Variants in KLHL1 observed in about 807,000 individuals in gnomAD.
KLHL1 encodes the protein kelch-like protein 1.
In KLHL1, 47 loss-of-function variants were observed where a neutral mutation model predicts 77.7. That is an observed-to-expected ratio of 0.60 (90% CI 0.48 to 0.77). KLHL1 has a LOEUF of 0.77. Ranked by LOEUF, KLHL1 falls within the 30% of genes least tolerant of loss-of-function variation. KLHL1 has a pLI of 0.00. For synonymous variants in KLHL1, 360 were observed against 325.2 expected (o/e 1.11, Z -1.15); for missense variants, 925 against 910.8 (o/e 1.02, Z -0.20).
chr13:69,901,988 C>G (rs1186191115), intron 4 of KLHL1, among the ~76,000 whole-genome samples: 3 of 152,010 alleles, frequency 2.0e-5, no homozygotes, highest in Admixed American at 6.6e-5. Flanking sequence ...TTAGCAGAGA[C>G]AGGGTTTCTC....
intron 1 of KLHL1, among the ~76,000 whole-genome samples, chr13:69,977,078 A>G (rs1419731137): frequency 6.6e-6 from 1 of 152,108 alleles, no homozygotes; most frequent in East Asian, 1.9e-4. Context: ...AAGTACCAGC[A>G]AACAATATAG....
chr13:70,083,175 T>A (rs1033130094), intron 1 of KLHL1, among the ~76,000 whole-genome samples: 4 of 152,184 alleles, frequency 2.6e-5, no homozygotes, highest in African/African-American at 9.6e-5. Context: ...AGTGAGCATT[T>A]AAACTGCTAA....
intron 6 of KLHL1, among the ~76,000 whole-genome samples, chr13:69,797,588 G>A (rs1186075729): frequency 1.3e-5 from 2 of 151,528 alleles, no homozygotes; most frequent in Non-Finnish European, 2.9e-5. Flanking sequence ...AGGCCGAGAC[G>A]GGCGGATCAC....
chr13:69,788,601 TG>T (rs1876690638), intron 7 of KLHL1, among the ~76,000 whole-genome samples: 1 of 152,142 alleles, frequency 6.6e-6, no homozygotes, highest in Non-Finnish European at 1.5e-5. Flanking sequence ...ACATGGCACA[TG>T]TATGCATATG....
At chr13:70,007,965 T>C (rs1424551737) in intron 1 of KLHL1, among the ~76,000 whole-genome samples, 1 of 152,022 alleles carries the variant, frequency 6.6e-6, no homozygotes, top group Non-Finnish European at 1.5e-5. Flanking sequence ...AGCTTACATA[T>C]AAGATTATAA....
intron 1 of KLHL1, among the ~76,000 whole-genome samples, chr13:69,989,412 G>C: frequency 6.6e-6 from 1 of 151,850 alleles, no homozygotes; most frequent in Non-Finnish European, 1.5e-5. Context: ...CTCTAGATTT[G>C]TTCTTTTTGC....
At chr13:69,786,665 G>A (rs948619898) in intron 7 of KLHL1, among the ~76,000 whole-genome samples, 1 of 152,142 alleles carries the variant, frequency 6.6e-6, no homozygotes, top group African/African-American at 2.4e-5. Flanking sequence ...AGGTCAATTA[G>A]GCAGGAGAGG....
intron 1 of KLHL1, among the ~76,000 whole-genome samples, chr13:70,095,983 A>T (rs1299524246): frequency 1.3e-5 from 2 of 152,046 alleles, no homozygotes; most frequent in East Asian, 3.9e-4. Context: ...ACCTAACATA[A>T]GGCCATCCAG....
chr13:69,816,139 G>A (rs1002757143), intron 6 of KLHL1, among the ~76,000 whole-genome samples: 1 of 151,928 alleles, frequency 6.6e-6, no homozygotes. Context: ...TAGATTAGAA[G>A]ATATATAATT....
intron 3 of KLHL1, among the ~76,000 whole-genome samples, chr13:69,950,637 G>GTCTA (rs750813610): frequency 1.3e-5 from 2 of 151,612 alleles, no homozygotes; most frequent in Non-Finnish European, 3.0e-5. Flanking sequence ...AACATAATTT[G>GTCTA]TCTATCTAAG....
chr13:69,766,302 T>G (rs1875299220), intron 7 of KLHL1, among the ~76,000 whole-genome samples: 1 of 152,120 alleles, frequency 6.6e-6, no homozygotes, highest in Non-Finnish European at 1.5e-5. Flanking sequence ...TTTTTCATTA[T>G]TATACATTAG....
At chr13:70,095,697 ACT>A (rs1887772507) in intron 1 of KLHL1, among the ~76,000 whole-genome samples, 1 of 151,690 alleles carries the variant, frequency 6.6e-6, no homozygotes, top group African/African-American at 2.4e-5. Context: ...TTCCAATTCC[ACT>A]CTTTTAGTTA....
chr13:69,813,424 G>A lies in KLHL1; in HGVS notation c.1415-16462C>T, dbSNP rs140106992. ...ACCAACATGACACATGTATACATAT[G>A]TAACACACCTGCATGTTGTGCACAT... is the stretch of plus-strand genomic sequence containing the variant. On this transcript the variant is annotated intron_variant, in intron 6 of 10. Transcript: ENST00000377844. Among the ~76,000 whole-genome samples the A allele has an allele frequency of 3.7e-3, 551 of 150,498 alleles. 2 individuals carry two copies. Among genetic ancestry groups the A allele is most frequent in the African/African-American group, 0.012 (500 of 40,756 alleles).
intron 5 of KLHL1, among the ~76,000 whole-genome samples, chr13:69,862,401 G>A (rs1193137453): frequency 6.6e-6 from 1 of 152,136 alleles, no homozygotes; most frequent in Non-Finnish European, 1.5e-5. Flanking sequence ...ACAGGGCAAT[G>A]TGAAATGGTA....
intron 4 of KLHL1, among the ~76,000 whole-genome samples, chr13:69,928,914 C>A: frequency 6.6e-6 from 1 of 152,120 alleles, no homozygotes; most frequent in African/African-American, 2.4e-5. Flanking sequence ...GTATATAAGT[C>A]ATATCTCCAC....
chr13:69,800,947 G>C (rs1173500630), intron 6 of KLHL1, among the ~76,000 whole-genome samples: 1 of 152,142 alleles, frequency 6.6e-6, no homozygotes, highest in African/African-American at 2.4e-5. Context: ...TTTACTTTAA[G>C]ACATAATTAT....
chr13:70,083,515 A>G (rs1245755197), intron 1 of KLHL1, among the ~76,000 whole-genome samples: 1 of 152,166 alleles, frequency 6.6e-6, no homozygotes, highest in Non-Finnish European at 1.5e-5. Context: ...TAGACTAGTG[A>G]TATACTTATT....
chr13:70,013,039 TA>T (rs774406128), intron 1 of KLHL1, among the ~76,000 whole-genome samples: 8 of 152,134 alleles, frequency 5.3e-5, no homozygotes, highest in Non-Finnish European at 1.2e-4. Flanking sequence ...ATTTACACAA[TA>T]GTTTATCTTC....
rs113524024 is a variant in KLHL1, at chr13:70,082,852, C to G, written c.497+24351G>C. 7.9e-5 allele frequency among the ~76,000 whole-genome samples: 12 copies of G among 152,178 alleles called. 1 individual carries two copies. The highest frequency in any genetic ancestry group is 2.9e-4 in the African/African-American group (12 of 41,526). ...GCATGGGTGCAGCTGGAGCCAATAA[C>G]CTAAGCAAATTAGCATAGAAACAGA... On this transcript the variant is annotated intron_variant, in intron 1 of 10. Transcript: ENST00000377844.
Sources: gnomAD v4.1 joint callset for allele counts (sites outside exome capture counted in the v4.1 genomes callset) on GRCh38, gnomAD v4.1.1 for gene constraint, MANE v1.5 for transcripts, NCBI Gene and HGNC (gene_info 2026-07-23, HGNC 2026-07-21) for gene names.